GADL1: variants seen among roughly 807,000 people sequenced by gnomAD.
GADL1 encodes the protein acidic amino acid decarboxylase GADL1.
GADL1 carries 71 observed loss-of-function variants against 69.5 expected under a neutral mutation model. The observed-to-expected ratio is 1.02, with a 90% CI of 0.84 to 1.25. The LOEUF is 1.25. GADL1 is among the 50% of genes most tolerant of loss of function. GADL1 has a pLI of 0.00. For synonymous variants in GADL1, 254 were observed against 214.4 expected (o/e 1.18, Z -1.62); for missense variants, 737 against 631.8 (o/e 1.17, Z -1.79).
chr3:30,865,252 C>T (rs940330325), intron 1 of GADL1, among the ~76,000 whole-genome samples: 2 of 151,108 alleles, frequency 1.3e-5, no homozygotes, highest in African/African-American at 4.9e-5. Flanking sequence ...AGAGCAGTGA[C>T]TACCATGGGA....
At chr3:30,732,041 G>A (rs943101986) in intron 14 of GADL1, among the ~76,000 whole-genome samples, 2 of 152,084 alleles carry the variant, frequency 1.3e-5, no homozygotes, top group Non-Finnish European at 2.9e-5. Context: ...GCAATTTAGG[G>A]ACCAAGCACG....
chr3:30,807,928 A>G (rs1360771150), intron 11 of GADL1, among the ~76,000 whole-genome samples: 1 of 149,984 alleles, frequency 6.7e-6, no homozygotes, highest in Non-Finnish European at 1.5e-5. Context: ...GCTACTCGGG[A>G]GGCTGAGGCA....
intron 14 of GADL1, among the ~76,000 whole-genome samples, chr3:30,767,346 G>A (rs770665158): frequency 7.2e-5 from 11 of 152,168 alleles, no homozygotes; most frequent in Non-Finnish European, 1.5e-4. Flanking sequence ...CAGGAGGATA[G>A]AGTATTAGCA....
rs1313977641 is a variant in GADL1 at position 30,727,617 on chromosome 3, CAA to C, written c.*623_*624del. ...TGCAGATGCCATAGTTGTATTTTTT[CAA>C]AGACTGGCTCAGAGGCTTCTGAAAT... On this transcript the variant is annotated 3_prime_UTR_variant, in exon 15 of 15. Transcript: ENST00000282538. The C allele has an allele frequency of 6.6e-6, 1 of 152,008 alleles. No homozygotes were observed. The highest frequency in any genetic ancestry group is 1.5e-5 in the Non-Finnish European group (1 of 67,996). 9.4% of individuals were successfully genotyped at this position (152,008 alleles called of 1,614,324 possible).
At chr3:30,765,488 G>GT (rs1696254743) in intron 14 of GADL1, among the ~76,000 whole-genome samples, 1 of 152,154 alleles carries the variant, frequency 6.6e-6, no homozygotes, top group African/African-American at 2.4e-5. Context: ...CATCTACTAT[G>GT]TGATAACATT....
At chr3:30,767,025 T>C (rs1696297891) in intron 14 of GADL1, among the ~76,000 whole-genome samples, 1 of 152,206 alleles carries the variant, frequency 6.6e-6, no homozygotes, top group Non-Finnish European at 1.5e-5. Flanking sequence ...TTATCAAGCA[T>C]TTACTCTGTG....
At chr3:30,763,916 T>C (rs1559492216) in intron 14 of GADL1, among the ~76,000 whole-genome samples, 1 of 152,150 alleles carries the variant, frequency 6.6e-6, no homozygotes, top group South Asian at 2.1e-4. Flanking sequence ...GAAAAATGAT[T>C]TTATAAATTC....
intron 1 of GADL1, among the ~76,000 whole-genome samples, chr3:30,883,320 C>G (rs1403226030): frequency 6.6e-6 from 1 of 151,850 alleles, no homozygotes; most frequent in African/African-American, 2.4e-5. Context: ...GAGTTGATTT[C>G]TATATACAGT....
intron 14 of GADL1, among the ~76,000 whole-genome samples, chr3:30,740,977 A>ATATATAT (rs1200975642): frequency 2.4e-5 from 3 of 127,536 alleles, no homozygotes; most frequent in African/African-American, 3.5e-5. Context: ...TTATATATTA[A>ATATATAT]TATATATTAT....
intron 11 of GADL1, among the ~76,000 whole-genome samples, chr3:30,825,557 C>T (rs1415452793): frequency 6.6e-6 from 1 of 151,834 alleles, no homozygotes; most frequent in African/African-American, 2.4e-5. Flanking sequence ...ACCAATATGA[C>T]AACTAAAATT....
chr3:30,881,763 C>T (rs904416549), intron 1 of GADL1, among the ~76,000 whole-genome samples: 8 of 151,854 alleles, frequency 5.3e-5, no homozygotes, highest in Non-Finnish European at 1.2e-4. Context: ...TCCAAAAACT[C>T]ATGTTGAAAT....
At chr3:30,843,216 G>A (rs970141737) in intron 8 of GADL1, among the ~76,000 whole-genome samples, 38 of 151,576 alleles carry the variant, frequency 2.5e-4, no homozygotes, top group Admixed American at 9.9e-4. Context: ...GCAGGCTTTT[G>A]GTCCAAAAAG....
At chr3:30,785,999 A>G (rs1424963500) in intron 13 of GADL1, among the ~76,000 whole-genome samples, 2 of 152,198 alleles carry the variant, frequency 1.3e-5, no homozygotes, top group African/African-American at 2.4e-5. Context: ...AGTACTGTAC[A>G]TTCACTTAAT....
At chr3:30,852,290 G>A (rs767716133) in intron 4 of GADL1, among the ~76,000 whole-genome samples, 7 of 152,072 alleles carry the variant, frequency 4.6e-5, no homozygotes, top group Non-Finnish European at 8.8e-5. Context: ...CAAGGCGGGT[G>A]GATCATAGGT....
intron 1 of GADL1, among the ~76,000 whole-genome samples, chr3:30,869,758 T>C (rs906194282): frequency 2.0e-5 from 3 of 151,830 alleles, no homozygotes; most frequent in Non-Finnish European, 2.9e-5. Context: ...TTTCATGAGA[T>C]AGTCATAAAA....
intron 11 of GADL1, among the ~76,000 whole-genome samples, chr3:30,810,707 G>C (rs141069730): frequency 1.5e-3 from 224 of 152,180 alleles, no homozygotes; most frequent in African/African-American, 5.2e-3. Flanking sequence ...CCTCCCATGA[G>C]CCCCCAGTCC....
At chr3:30,754,314 TTC>T (rs1401187395) in intron 14 of GADL1, among the ~76,000 whole-genome samples, 8 of 152,162 alleles carry the variant, frequency 5.3e-5, no homozygotes, top group African/African-American at 1.9e-4. Context: ...CAAACTATAA[TTC>T]TGTCAAACTG....
At chr3:30,781,970 C>T (rs942659622) in intron 13 of GADL1, among the ~76,000 whole-genome samples, 4 of 151,950 alleles carry the variant, frequency 2.6e-5, no homozygotes, top group South Asian at 2.1e-4. Context: ...TAATGTCCAG[C>T]GAGGGGTAAC....
chr3:30,767,176 T>C (rs1315475015), intron 14 of GADL1, among the ~76,000 whole-genome samples: 1 of 152,178 alleles, frequency 6.6e-6, no homozygotes, highest in African/African-American at 2.4e-5. Flanking sequence ...CAGTAACTTG[T>C]TCATGGTCAT....
Sources: allele counts gnomAD v4.1 joint callset (sites outside exome capture counted in the v4.1 genomes callset), GRCh38; gene constraint gnomAD v4.1.1; transcripts MANE v1.5; gene names NCBI Gene and HGNC (gene_info 2026-07-23, HGNC 2026-07-21).